The following SYNE1 variants were observed in gnomAD, a reference collection of about 807,000 sequenced individuals.
SYNE1 encodes the protein nesprin-1.
SYNE1 carries 616 observed loss-of-function variants against 1,111.0 expected under a neutral mutation model. The observed-to-expected ratio is 0.55, with a 90% CI of 0.52 to 0.59. The LOEUF (loss-of-function observed/expected upper bound fraction) is 0.59. SYNE1 is among the 20% of genes least tolerant of loss of function. SYNE1 has a pLI of 0.00. For missense variants in SYNE1, 10,006 were observed against 10,417.0 expected (o/e 0.96, Z 1.72); for synonymous variants, 3,855 against 3,825.8 (o/e 1.01, Z -0.28).
At chr6:152,185,922 A>G (rs967521196) in intron 128 of SYNE1, among the ~76,000 whole-genome samples, 2 of 152,218 alleles carry the variant, frequency 1.3e-5, no homozygotes, top group African/African-American at 4.8e-5. Context: ...TAATCTTCTT[A>G]ATCTTCAAAA....
chr6:152,495,880 T>C (rs1012236051), intron 11 of SYNE1, among the ~76,000 whole-genome samples: 40 of 152,236 alleles, frequency 2.6e-4, no homozygotes, highest in African/African-American at 9.2e-4. Flanking sequence ...CAACCTTCTA[T>C]AGAAGTAACT....
chr6:152,122,933 AC>A lies in SYNE1; in HGVS notation c.26154-258del, dbSNP rs536663240. On this transcript the variant is annotated intron_variant, in intron 145 of 145. Transcript: ENST00000367255. ...ATTAGGTTCAAATTCTACTCCTTTT[AC>A]CCCTTAATGTGGTGAAACATTTTCT... is the stretch of plus-strand genomic sequence containing the variant. Among the ~76,000 whole-genome samples, 134 of 152,320 alleles carry A rather than the reference AC, an allele frequency of 8.8e-4. 1 individual carries two copies. Among genetic ancestry groups the A allele is most frequent in the African/African-American group, 3.1e-3 (129 of 41,568 alleles).
intron 126 of SYNE1, among the ~76,000 whole-genome samples, chr6:152,203,953 T>C (rs923095665): frequency 6.6e-6 from 1 of 152,154 alleles, no homozygotes. Flanking sequence ...ATGCTAACCA[T>C]AGTGAGGGTA....
intron 107 of SYNE1, among the ~76,000 whole-genome samples, chr6:152,240,199 G>C (rs115438761): frequency 0.015 from 2,254 of 152,302 alleles, 60 homozygotes; most frequent in African/African-American, 0.052. Flanking sequence ...CACAGGGAAA[G>C]GTAGAGGTAA....
chr6:152,269,436 C>A (rs191519917), intron 98 of SYNE1, 150 bp from the exon 99 acceptor site: 17 of 1,121,824 alleles, frequency 1.5e-5, no homozygotes, highest in Non-Finnish European at 1.3e-5. Context: ...AAAACAGTAA[C>A]ACAAAACCCA....
intron 19 of SYNE1, 28 bp downstream of exon 19, chr6:152,463,325 G>A: frequency 6.2e-7 from 1 of 1,612,528 alleles, no homozygotes; most frequent in Non-Finnish European, 8.5e-7. Flanking sequence ...CATACACGTT[G>A]AGGTGTATAT....
At chr6:152,316,464 GT>G in intron 87 of SYNE1, 1 of 277,224 alleles carries the variant, frequency 3.6e-6, no homozygotes, top group Non-Finnish European at 6.9e-6. Context: ...GCGGAGCTTG[GT>G]TTTCCCACCA....
Position 152,136,805 on chromosome 6 carries a change from G to A in SYNE1, c.25472C>T (p.Ala8491Val), listed in dbSNP as rs1189723467. ...GATGATGGCTTTGCGGTGGTCCACA[G>A]CTTTCTGGAGCTCCTGAAAAGAACA... ...QIKKLKELQK[A>V]VDHRKAIILS... is the part of the protein sequence containing the mutation. The change falls in exon 141 of 146, where the codon GCT (alanine) becomes GTT (valine). Residue 8491 changes from alanine (A) to valine (V), a missense_variant. Coordinates refer to ENST00000367255, the MANE Select transcript of SYNE1 (RefSeq NM_182961.4). 6.2e-7 allele frequency: 1 copy of A among 1,614,192 alleles called. No individual in the cohort carries two copies. Among genetic ancestry groups the A allele is most frequent in the South Asian group, 1.1e-5 (1 of 91,086 alleles).
At chr6:152,283,917 G>T in intron 96 of SYNE1, 61 bp downstream of exon 96, 2 of 1,328,034 alleles carry the variant, frequency 1.5e-6, no homozygotes, top group Non-Finnish European at 2.2e-6. Context: ...CCACATACTT[G>T]GTAACACAAC....
chr6:152,441,704 C>A (rs1209180973), intron 31 of SYNE1, among the ~76,000 whole-genome samples: 1 of 152,060 alleles, frequency 6.6e-6, no homozygotes, highest in South Asian at 2.1e-4. Context: ...TGTCAACATC[C>A]CAATAAAGCA....
At position 152,281,933 on chromosome 6, in the gene SYNE1, C is replaced by T. The variant is rs779775902; in HGVS notation, c.18255G>A (p.Leu6085=). ...QLEEQRQEQA[L]QRYRCEADEL... ...CATCGGCTTCACAGCGATACCTCTG[C>T]AGGGCCTGTTCCTGCCTTTGTTCCT... Residue 6085 remains leucine, a synonymous_variant, in exon 97 of 146, where the codon CTG becomes CTA. Transcript: ENST00000367255. 1 of 1,614,182 alleles carries T rather than the reference C, an allele frequency of 6.2e-7. No individual in the cohort carries two copies. The highest frequency in any genetic ancestry group is 8.5e-7 in the Non-Finnish European group (1 of 1,180,042).
At chr6:152,174,040 C>T (rs1586861730) in intron 130 of SYNE1, among the ~76,000 whole-genome samples, 2 of 152,206 alleles carry the variant, frequency 1.3e-5, no homozygotes, top group Non-Finnish European at 2.9e-5. Context: ...AAGTTAGCTG[C>T]TTATGACTAG....
In SYNE1 at chr6:152,310,791, CA is replaced by C; in HGVS notation, c.16792del (p.Cys5598ValfsTer22). 1 of 1,614,062 alleles carries C rather than the reference CA, an allele frequency of 6.2e-7. No homozygotes were observed. Among genetic ancestry groups the C allele is most frequent in the Non-Finnish European group, 8.5e-7 (1 of 1,180,014 alleles). ...CACTTGCTGAGACATTTTTTCTGTACAGTACACGCTAGTGAGGTACTGTAAT... is the reference window on the plus strand; with the variant it reads ...CACTTGCTGAGACATTTTTTCTGTACGTACACGCTAGTGAGGTACTGTAAT... The part of the protein sequence containing the change: ...EKLQYLTSVY[C>X]TEKMSQQVAE... On this transcript the variant is annotated frameshift_variant, in exon 88 of 146. Transcript: ENST00000367255. LOFTEE classifies it high-confidence loss of function.
Position 152,369,593 on chromosome 6 carries a change from C to T in SYNE1, c.9529G>A (p.Asp3177Asn). 1.2e-6 allele frequency: 2 copies of T among 1,614,134 alleles called. No individual in the cohort carries two copies. Among genetic ancestry groups the T allele is most frequent in the Non-Finnish European group, 8.5e-7 (1 of 1,180,018 alleles). ...ALENLKIQMKDFEVSAEPIQD... is the reference protein window; with the variant it reads ...ALENLKIQMKNFEVSAEPIQD... ...ATAGGCTCAGCACTTACTTCAAAGT[C>T]CTTCATTTGGATCTTTAGATTCTGC... Residue 3177 changes from aspartate to asparagine, a missense_variant, in exon 60 of 146, where the codon GAC (aspartate) becomes AAC (asparagine). Transcript: ENST00000367255.
At chr6:152,204,724 T>C (rs2076168170) in intron 126 of SYNE1, among the ~76,000 whole-genome samples, 2 of 152,204 alleles carry the variant, frequency 1.3e-5, no homozygotes, top group Non-Finnish European at 2.9e-5. Context: ...AACCAAGTCC[T>C]TTTATGACGT....
chr6:152,572,553 C>G (rs2099467898), intron 3 of SYNE1, among the ~76,000 whole-genome samples: 1 of 152,122 alleles, frequency 6.6e-6, no homozygotes, highest in South Asian at 2.1e-4. Flanking sequence ...GGAAACAGCT[C>G]CAGAGTCTAT....
At chr6:152,297,781 C>CTGTGTG (rs377152081) in intron 93 of SYNE1, among the ~76,000 whole-genome samples, 118 of 119,860 alleles carry the variant, frequency 9.8e-4, no homozygotes, top group South Asian at 5.1e-3. Flanking sequence ...CAGTCTCACT[C>CTGTGTG]TGTGTGTGTG....
intron 46 of SYNE1, among the ~76,000 whole-genome samples, chr6:152,403,715 C>G (rs999690042): frequency 6.6e-6 from 1 of 152,014 alleles, no homozygotes; most frequent in African/African-American, 2.4e-5. Context: ...GAGTGAGACC[C>G]TGTCTCAATA....
At chr6:152,578,605 T>TA (rs200070640) in intron 3 of SYNE1, among the ~76,000 whole-genome samples, 2,975 of 151,982 alleles carry the variant, frequency 0.02, 97 homozygotes, top group African/African-American at 0.068. Flanking sequence ...AAAAACAAAA[T>TA]AAAAAAACAA....
Sources: allele counts gnomAD v4.1 joint callset (sites outside exome capture counted in the v4.1 genomes callset), GRCh38; gene constraint gnomAD v4.1.1; transcripts MANE v1.5; gene names NCBI Gene and HGNC (gene_info 2026-07-23, HGNC 2026-07-21).